ERFE: variants seen among roughly 807,000 people sequenced by gnomAD.
ERFE encodes the protein erythroferrone.
ERFE carries 25 observed loss-of-function variants against 26.6 expected under a neutral mutation model. That is an observed-to-expected ratio of 0.94 (90% CI 0.69 to 1.31). The LOEUF (loss-of-function observed/expected upper bound fraction) is 1.31, where lower values mean the gene tolerates loss of function less well. Ranked by LOEUF, ERFE falls within the 40% of genes most tolerant of loss-of-function variation. ERFE has a pLI of 0.00. For missense variants in ERFE, 447 were observed against 440.2 expected (o/e 1.02, Z -0.14); for synonymous variants, 206 against 204.5 (o/e 1.01, Z -0.06).
In ERFE at chr2:238,168,359, C is replaced by A. The variant is rs1232553966; in HGVS notation, c.*1305C>A. 2 of 469,946 alleles carry A rather than the reference C, an allele frequency of 4.3e-6. No homozygotes were observed. The highest frequency in any genetic ancestry group is 3.4e-4 in the Middle Eastern group (1 of 2,958). 29.1% of individuals were successfully genotyped at this position (469,946 alleles called of 1,614,324 possible). On this transcript the variant is annotated 3_prime_UTR_variant, in exon 8 of 8. Coordinates refer to ENST00000546354, the MANE Select transcript of ERFE (RefSeq NM_001291832.2). ...TGAGGAAGAGTTAACCCACTGCCTC[C>A]CCACACAACAGGCTACGAAGAACCT...
chr2:238,166,697 CCA>C (rs1693040939), intron 7 of ERFE, among the ~76,000 whole-genome samples: 1 of 152,240 alleles, frequency 6.6e-6, no homozygotes, highest in Non-Finnish European at 1.5e-5. Context: ...CTCTTGAATC[CCA>C]CTCTGGCCTT....
At position 238,168,451 on chromosome 2, in the gene ERFE, A is replaced by C. The variant is rs567353423; in HGVS notation, c.*1397A>C. Reference sequence around the variant, plus strand: ...GGCGCTCAGGCCTGGGAGAGAAGGGAGCAATGGCCAGTCACCTTCACCTTC... The same window carrying C: ...GGCGCTCAGGCCTGGGAGAGAAGGGCGCAATGGCCAGTCACCTTCACCTTC... On this transcript the variant is annotated 3_prime_UTR_variant, in exon 8 of 8. Coordinates refer to ENST00000546354, the MANE Select transcript of ERFE (RefSeq NM_001291832.2). 2.3e-5 allele frequency: 11 copies of C among 471,068 alleles called. No homozygotes were observed. Among genetic ancestry groups the C allele is most frequent in the African/African-American group, 1.2e-4 (6 of 50,196 alleles). 29.2% of individuals were successfully genotyped at this position (471,068 alleles called of 1,614,324 possible).
At position 238,165,678 on chromosome 2, in the gene ERFE, C is replaced by T. The variant is rs1365664636; in HGVS notation, c.960C>T (p.Tyr320=). Residue 320 remains tyrosine, a synonymous_variant, in exon 7 of 8, where the codon TAC becomes TAT. Coordinates refer to ENST00000546354, the MANE Select transcript of ERFE (RefSeq NM_001291832.2). ...CCATCTCTGTGAATGGCGTCCTGTA[C>T]CTGCAGGTGAGTGCGGCAGGCTTGG... The part of the protein sequence containing the change: ...LFTISVNGVL[Y]LQMGQWTSVF... 13 of 1,548,544 alleles carry T rather than the reference C, an allele frequency of 8.4e-6. No homozygotes were observed. The highest frequency in any genetic ancestry group is 1.0e-5 in the Non-Finnish European group (12 of 1,145,482).
At position 238,163,912 on chromosome 2, in the gene ERFE, G is replaced by A; in HGVS notation, c.600G>A (p.Pro200=). 8 of 1,322,832 alleles carry A rather than the reference G, an allele frequency of 6.0e-6. No individual in the cohort carries two copies. The highest frequency in any genetic ancestry group is 4.4e-5 in the South Asian group (2 of 45,738). The allele number at this position is 1,322,832 out of a possible 1,614,324, so 81.9% of individuals were successfully genotyped here. Residue 200 remains proline (P), a synonymous_variant, in exon 4 of 8, where the codon CCG becomes CCA. Coordinates refer to ENST00000546354, the MANE Select transcript of ERFE (RefSeq NM_001291832.2). The stretch of plus-strand genomic sequence containing the variant: ...CCCTGGCCCCGGGGCCGCGGGCGCC[G>A]CGCGTGGAGGCCGCTTTCCTCTGCC... ...AAPLAPGPRA[P]RVEAAFLCRL...
In ERFE at chr2:238,161,680, C is replaced by T. The variant is rs554599520; in HGVS notation, c.285C>T (p.Gly95=). 3.2e-6 allele frequency: 5 copies of T among 1,547,786 alleles called. No homozygotes were observed. In the African/African-American group the frequency reaches 4.1e-5, roughly 13 times the overall value. ...GGCAGAGTGACAAGGGTGTCAATGG[C>T]AAGAAGAGGAGCAGGGGCAAGGCCA... is the stretch of plus-strand genomic sequence containing the variant. ...FVRQSDKGVN[G]KKRSRGKAKK... Residue 95 remains glycine, a synonymous_variant, in exon 2 of 8, where the codon GGC becomes GGT. Transcript: ENST00000546354.
At chr2:238,159,453 C>T (rs968195498) in intron 1 of ERFE, among the ~76,000 whole-genome samples, 1 of 151,992 alleles carries the variant, frequency 6.6e-6, no homozygotes, top group Non-Finnish European at 1.5e-5. Flanking sequence ...GTCGGCGAAA[C>T]CCCCCTTTTC....
chr2:238,162,791 T>A lies in ERFE; in HGVS notation c.377T>A (p.Ile126Asn). Residue 126 changes from isoleucine to asparagine, a missense_variant, in exon 3 of 8, where the codon ATC becomes AAC. Transcript: ENST00000546354. ...PPGPQGPPGP[I>N]IPPEALLKEF... ...GGTCCCCAGGGCCCCCCAGGCCCCA[T>A]CATCCCACCCGAGGCGCTGCTGAAG... The A allele has an allele frequency of 1.3e-6, 2 of 1,550,400 alleles. No individual in the cohort carries two copies. The highest frequency in any genetic ancestry group is 1.7e-6 in the Non-Finnish European group (2 of 1,146,906).
intron 6 of ERFE, among the ~76,000 whole-genome samples, chr2:238,165,197 C>G (rs1693015474): frequency 6.6e-6 from 1 of 152,232 alleles, no homozygotes. Flanking sequence ...GCGGAGATAC[C>G]CTGCGGGTAG....
intron 3 of ERFE, 136 bp from the exon 4 acceptor site, chr2:238,163,601 G>A: frequency 3.7e-6 from 4 of 1,078,416 alleles, no homozygotes; most frequent in Middle Eastern, 3.5e-4. Context: ...CCTTCAGGCC[G>A]AGGGGACGTC....
chr2:238,164,378 C>A lies in ERFE; in HGVS notation c.887+18C>A, dbSNP rs904249573. The A allele has an allele frequency of 6.5e-7, 1 of 1,542,230 alleles. No individual in the cohort carries two copies. The highest frequency in any genetic ancestry group is 1.4e-5 in the African/African-American group (1 of 72,840). On this transcript the variant is annotated intron_variant, in intron 6 of 7. Coordinates refer to ENST00000546354, the MANE Select transcript of ERFE (RefSeq NM_001291832.2). ...CGCAACGCGTGAGTGTACCCCGGCCCGGACCCCACACCCGCATTCGCTCGG... is the reference window on the plus strand; with the variant it reads ...CGCAACGCGTGAGTGTACCCCGGCCAGGACCCCACACCCGCATTCGCTCGG...
chr2:238,167,173 A>G lies in ERFE; in HGVS notation c.*119A>G, dbSNP rs1252957582. The G allele has an allele frequency of 3.9e-6, 4 of 1,022,464 alleles. No homozygotes were observed. Among genetic ancestry groups the G allele is most frequent in the Non-Finnish European group, 5.9e-6 (4 of 677,186 alleles). 63.3% of individuals were successfully genotyped at this position (1,022,464 alleles called of 1,614,324 possible). On this transcript the variant is annotated 3_prime_UTR_variant, in exon 8 of 8. Coordinates refer to ENST00000546354, the MANE Select transcript of ERFE (RefSeq NM_001291832.2). Reference sequence around the variant, plus strand: ...AGGAGGCCCACCCGGAACTCTGCCCACACTGGCCACTGCAGTTCAGCCCAC... The same window carrying G: ...AGGAGGCCCACCCGGAACTCTGCCCGCACTGGCCACTGCAGTTCAGCCCAC...
At chr2:238,160,917 G>A (rs925139839) in intron 1 of ERFE, among the ~76,000 whole-genome samples, 1 of 152,190 alleles carries the variant, frequency 6.6e-6, no homozygotes, top group East Asian at 1.9e-4. Flanking sequence ...CTCAGTGTCA[G>A]CATCAGTCAG....
In ERFE at chr2:238,167,924, T is replaced by C. The variant is rs541873558; in HGVS notation, c.*870T>C. ...ACCAGAGGAAAGATCTAGAACGTCT[T>C]TACAGATTGGAGACAGCCGGGCCTG... On this transcript the variant is annotated 3_prime_UTR_variant, in exon 8 of 8. Transcript: ENST00000546354. 1.0e-5 allele frequency: 2 copies of C among 193,986 alleles called. No homozygotes were observed. The highest frequency in any genetic ancestry group is 4.7e-5 in the African/African-American group (2 of 42,702). The allele number at this position is 193,986 out of a possible 1,614,324, so 12.0% of individuals were successfully genotyped here.
At position 238,167,317 on chromosome 2, in the gene ERFE, G is replaced by C; in HGVS notation, c.*263G>C. 2.9e-6 allele frequency: 2 copies of C among 680,610 alleles called. No individual in the cohort carries two copies. The highest frequency in any genetic ancestry group is 3.0e-5 in the South Asian group (2 of 66,570). The allele number at this position is 680,610 out of a possible 1,614,324, so 42.2% of individuals were successfully genotyped here. ...GGAAAGAAAGAGTCGGCGTGCCTGG[G>C]GGCACCTGCTAGTCTCCAGCTGCAG... On this transcript the variant is annotated 3_prime_UTR_variant, in exon 8 of 8. Transcript: ENST00000546354.
Position 238,163,721 on chromosome 2 carries a change from G to A in ERFE, c.425-16G>A. 2 of 1,289,826 alleles carry A rather than the reference G, an allele frequency of 1.6e-6. No individual in the cohort carries two copies. Among genetic ancestry groups the A allele is most frequent in the Non-Finnish European group, 9.8e-7 (1 of 1,023,308 alleles). 79.9% of individuals were successfully genotyped at this position (1,289,826 alleles called of 1,614,324 possible). Reference sequence around the variant, plus strand: ...GAGGGGTCCCTGGCGCGCGGCCACCGCTCGCTCTGTGCCAGGTGCGGTGCG... The same window carrying A: ...GAGGGGTCCCTGGCGCGCGGCCACCACTCGCTCTGTGCCAGGTGCGGTGCG... On this transcript the variant is annotated splice_polypyrimidine_tract_variant and intron_variant, in intron 3 of 7. Transcript: ENST00000546354.
intron 2 of ERFE, 115 bp downstream of exon 2, chr2:238,161,831 C>A: frequency 7.4e-7 from 1 of 1,344,848 alleles, no homozygotes; most frequent in Non-Finnish European, 9.8e-7. Context: ...CACGCCTCGG[C>A]CTGGGGACAG....
intron 1 of ERFE, among the ~76,000 whole-genome samples, chr2:238,159,937 G>C (rs1692912897): frequency 6.6e-6 from 1 of 152,206 alleles, no homozygotes; most frequent in Non-Finnish European, 1.5e-5. Context: ...GTAGAGGGGA[G>C]AGCCAGGAAC....
chr2:238,164,656 C>T lies in ERFE; in HGVS notation c.887+296C>T, dbSNP rs1693003855. The stretch of plus-strand genomic sequence containing the variant: ...GATCACGAGGTCAGGAGATCGAGAC[C>T]ATCCTGGCTAACATGGTGAAACCCC... On this transcript the variant is annotated intron_variant, in intron 6 of 7. Transcript: ENST00000546354. 7 of 405,248 alleles carry T rather than the reference C, an allele frequency of 1.7e-5. No individual in the cohort carries two copies. In the East Asian group the frequency reaches 4.0e-4, roughly 23 times the overall value. The allele number at this position is 405,248 out of a possible 1,614,324, so 25.1% of individuals were successfully genotyped here.
chr2:238,163,856 G>C lies in ERFE; in HGVS notation c.544G>C (p.Val182Leu), dbSNP rs896732234. The C allele has an allele frequency of 9.7e-5, 128 of 1,321,216 alleles. No homozygotes were observed. The highest frequency in any genetic ancestry group is 1.2e-4 in the Non-Finnish European group (126 of 1,043,148). 81.8% of individuals were successfully genotyped at this position (1,321,216 alleles called of 1,614,324 possible). ...CGCCGGGGAGGACGACGACGACGTGGTGGGGGACGTGCTGGCACTGCTGGC... is the reference window on the plus strand; with the variant it reads ...CGCCGGGGAGGACGACGACGACGTGCTGGGGGACGTGCTGGCACTGCTGGC... Reference protein sequence around the residue: ...ATAGEDDDDVVGDVLALLAAP... With the variant: ...ATAGEDDDDVLGDVLALLAAP... The change falls in exon 4 of 8, where the codon GTG becomes CTG. Residue 182 changes from valine to leucine, a missense_variant. Coordinates refer to ENST00000546354, the MANE Select transcript of ERFE (RefSeq NM_001291832.2).
Sources: gnomAD v4.1 joint callset for allele counts (sites outside exome capture counted in the v4.1 genomes callset) on GRCh38, gnomAD v4.1.1 for gene constraint, MANE v1.5 for transcripts, NCBI Gene and HGNC (gene_info 2026-07-23, HGNC 2026-07-21) for gene names.